Variants in ABCC3 observed in about 807,000 individuals in gnomAD.
ABCC3 encodes the protein ATP binding cassette subfamily C member 3, also known as ATP-binding cassette sub-family C member 3.
In ABCC3, 121 loss-of-function variants were observed where a neutral mutation model predicts 165.3. The observed-to-expected ratio is 0.73, with a 90% confidence interval of 0.63 to 0.85. ABCC3 has a LOEUF of 0.85. ABCC3 is among the 40% of genes least tolerant of loss of function. The pLI is 0.00. For synonymous variants in ABCC3, 733 were observed against 810.1 expected (o/e 0.90, Z 1.62); for missense variants, 1,869 against 1,964.1 (o/e 0.95, Z 0.92).
intron 4 of ABCC3, 51 bp from the exon 5 acceptor site, chr17:50,658,031 C>A (rs11568585): frequency 1.9e-6 from 3 of 1,612,460 alleles, no homozygotes; most frequent in Non-Finnish European, 1.7e-6. Context: ...GCAGGGGCTG[C>A]AGGCCCAGGC....
At position 50,684,743 on chromosome 17, in the gene ABCC3, A is replaced by G. The variant is rs758481577; in HGVS notation, c.4148A>G (p.Asn1383Ser). ...PILFSGTLRM[N>S]LDPFGSYSEE... Reference sequence around the variant, plus strand: ...CTGTTCTCGGGGACCCTGCGCATGAACCTGGACCCCTTCGGCAGCTACTCA... The same window carrying G: ...CTGTTCTCGGGGACCCTGCGCATGAGCCTGGACCCCTTCGGCAGCTACTCA... Residue 1383 changes from asparagine (N) to serine (S), a missense_variant, in exon 29 of 31, where the codon AAC (asparagine) becomes AGC (serine). By Grantham distance (46) the Asn-to-Ser change is conservative. Coordinates refer to ENST00000285238, the MANE Select transcript of ABCC3 (RefSeq NM_003786.4). 1.2e-5 allele frequency: 19 copies of G among 1,613,498 alleles called. No homozygotes were observed. In the Admixed American group the frequency reaches 2.0e-4, roughly 17 times the overall value.
intron 26 of ABCC3, among the ~76,000 whole-genome samples, 153 bp from the exon 27 acceptor site, chr17:50,683,457 G>A (rs1258794569): frequency 6.6e-6 from 1 of 151,940 alleles, no homozygotes; most frequent in African/African-American, 2.4e-5. Context: ...GGATAAAGGA[G>A]TCATTGAACA....
At chr17:50,679,271 A>C (rs1967886559) in intron 25 of ABCC3, 12 of 152,422 alleles carry the variant, frequency 7.9e-5, no homozygotes, top group Admixed American at 7.9e-4. Context: ...GTTGGCAAAC[A>C]AAAAACAATC....
chr17:50,664,674 GCCTGGGT>G (rs1312251145), intron 10 of ABCC3: 1 of 153,872 alleles, frequency 6.5e-6, no homozygotes, highest in Admixed American at 7.2e-5. Context: ...CTGCACTCTA[GCCTGGGT>G]GACAGAGCAA....
chr17:50,663,925 T>C (rs758847184), intron 9 of ABCC3, 25 bp from the exon 10 acceptor site: 5 of 1,614,024 alleles, frequency 3.1e-6, no homozygotes, highest in Non-Finnish European at 3.4e-6. Flanking sequence ...CGCAGCCAAG[T>C]CCACCCACTA....
chr17:50,678,285 C>T, intron 25 of ABCC3, 66 bp downstream of exon 25: 2 of 1,483,324 alleles, frequency 1.3e-6, no homozygotes, highest in Non-Finnish European at 1.8e-6. Flanking sequence ...GTGTTCCAGG[C>T]ATCTCCCGAG....
chr17:50,652,494 A>G (rs1967131118), intron 1 of ABCC3, among the ~76,000 whole-genome samples: 1 of 152,214 alleles, frequency 6.6e-6, no homozygotes, highest in Non-Finnish European at 1.5e-5. Context: ...TCAATTAAAG[A>G]ATGCATCCCA....
At position 50,691,437 on chromosome 17, in the gene ABCC3, G is replaced by A. The variant is rs553156198; in HGVS notation, c.*237G>A. ...GTTTGAGCCAGTTAGACTAGTCCCC[G>A]GTCTCCCGATTCCCAACTGAGTGTT... On this transcript the variant is annotated 3_prime_UTR_variant, in exon 31 of 31. Transcript: ENST00000285238. 1.3e-5 allele frequency: 6 copies of A among 451,302 alleles called. No homozygotes were observed. The highest frequency in any genetic ancestry group is 6.1e-4 in the Middle Eastern group (1 of 1,634). 28.0% of individuals were successfully genotyped at this position (451,302 alleles called of 1,614,324 possible). A position where few individuals can be genotyped will look rare whatever the true frequency, so the allele number is the denominator to read the frequency against.
chr17:50,663,797 A>G lies in ABCC3; in HGVS notation c.1115A>G (p.His372Arg), dbSNP rs760752062. Reference protein sequence around the residue: ...MQSLILQHYYHYIFVTGVKFR... With the variant: ...MQSLILQHYYRYIFVTGVKFR... Reference sequence around the variant, plus strand: ...TCGCTGATCTTACAACACTATTACCACTACATCTTTGTGACTGGGGTGAAG... The same window carrying G: ...TCGCTGATCTTACAACACTATTACCGCTACATCTTTGTGACTGGGGTGAAG... The change falls in exon 9 of 31, where the codon CAC becomes CGC. Residue 372 changes from histidine to arginine, a missense_variant. Transcript: ENST00000285238. 6.2e-7 allele frequency: 1 copy of G among 1,613,994 alleles called. No homozygotes were observed. Among genetic ancestry groups the G allele is most frequent in the Non-Finnish European group, 8.5e-7 (1 of 1,180,006 alleles).
chr17:50,655,402 C>A (rs2146603620), intron 1 of ABCC3, among the ~76,000 whole-genome samples: 2 of 38,244 alleles, frequency 5.2e-5, no homozygotes, highest in East Asian at 5.1e-4. Flanking sequence ...GAGACTCTGT[C>A]TCAAAAAAAA....
chr17:50,665,286 C>T (rs376078917), intron 11 of ABCC3, 41 bp downstream of exon 11: 52 of 1,598,362 alleles, frequency 3.3e-5, no homozygotes, highest in South Asian at 1.4e-4. Context: ...CTGCAGCACC[C>T]GGCCGGCTGC....
intron 1 of ABCC3, among the ~76,000 whole-genome samples, chr17:50,638,248 T>C (rs1220427235): frequency 6.6e-6 from 1 of 152,038 alleles, no homozygotes; most frequent in African/African-American, 2.4e-5. Context: ...AGCACCTGGG[T>C]GGTGAAGGGA....
At chr17:50,654,330 C>T (rs904369161) in intron 1 of ABCC3, among the ~76,000 whole-genome samples, 7 of 152,112 alleles carry the variant, frequency 4.6e-5, no homozygotes, top group Admixed American at 6.5e-5. Flanking sequence ...CAGATTAGTA[C>T]ATTAGTGGCC....
At chr17:50,673,722 C>T in intron 19 of ABCC3, 64 bp downstream of exon 19, 1 of 1,535,588 alleles carries the variant, frequency 6.5e-7, no homozygotes, top group Non-Finnish European at 8.9e-7. Context: ...TCTGGGGTCT[C>T]TGAGTGTGTC....
chr17:50,671,615 G>A (rs1311669621), intron 17 of ABCC3, among the ~76,000 whole-genome samples: 5 of 151,972 alleles, frequency 3.3e-5, no homozygotes, highest in Admixed American at 6.6e-5. Flanking sequence ...CCTTGTTGGC[G>A]GGGAGTCTGC....
At chr17:50,683,862 A>G in intron 27 of ABCC3, 87 bp from the exon 28 acceptor site, 5 of 1,562,066 alleles carry the variant, frequency 3.2e-6, no homozygotes, top group African/African-American at 1.4e-5. Flanking sequence ...CTCCAGCCAC[A>G]TGTTTGTTCG....
intron 8 of ABCC3, chr17:50,663,373 CA>C (rs1215936524): frequency 1.0e-5 from 4 of 387,448 alleles, no homozygotes; most frequent in Non-Finnish European, 1.9e-5. Flanking sequence ...GGAAACGTGG[CA>C]TTTCTTCCCG....
intron 1 of ABCC3, among the ~76,000 whole-genome samples, chr17:50,651,072 A>G (rs960571245): frequency 6.6e-6 from 1 of 151,542 alleles, no homozygotes; most frequent in African/African-American, 2.4e-5. Context: ...CTCAGAAAAA[A>G]AAAAAAAAAA....
Position 50,636,261 on chromosome 17 carries a change from T to C in ABCC3, c.45+1280T>C, listed in dbSNP as rs1390648587. Among the ~76,000 whole-genome samples the C allele has an allele frequency of 2.0e-5, 3 of 152,350 alleles. No individual in the cohort carries two copies. The East Asian group carries it at 5.8e-4, about 29-fold the overall frequency. ...TGGGGTGTTACCCAAGAGTTCGTGC[T>C]GTGCACGTGTGTGCACAGGTGTATA... On this transcript the variant is annotated intron_variant, in intron 1 of 30. Transcript: ENST00000285238.
Sources: gnomAD v4.1 joint callset for allele counts (sites outside exome capture counted in the v4.1 genomes callset) on GRCh38, gnomAD v4.1.1 for gene constraint, MANE v1.5 for transcripts, NCBI Gene and HGNC (gene_info 2026-07-23, HGNC 2026-07-21) for gene names.